The following SLC41A2 variants were observed in gnomAD, a reference collection of about 807,000 sequenced individuals.
SLC41A2 encodes SLC41A1-like 1.
In SLC41A2, 32 loss-of-function variants were observed where a neutral mutation model predicts 58.3. That is an observed-to-expected ratio of 0.55 (90% CI 0.41 to 0.74). The LOEUF (loss-of-function observed/expected upper bound fraction) is 0.74, where lower values mean the gene tolerates loss of function less well. Among genes scored for constraint, SLC41A2 ranks in the 30% least tolerant of loss-of-function variants. The pLI, the probability that SLC41A2 is intolerant of heterozygous loss-of-function variation, is 0.00. For synonymous variants in SLC41A2, 190 were observed against 235.0 expected, an observed-to-expected ratio of 0.81 and a Z score of 1.75; for missense variants, 514 against 680.6, an observed-to-expected ratio of 0.76 and a Z score of 2.72.
chr12:104,923,354 T>TC, intron 2 of SLC41A2, among the ~76,000 whole-genome samples: 1 of 129,504 alleles, frequency 7.7e-6, no homozygotes, highest in East Asian at 2.3e-4. Context: ...AGAGTGAGAC[T>TC]CCATCTCAAA....
intron 6 of SLC41A2, among the ~76,000 whole-genome samples, chr12:104,880,392 A>C (rs1368288809): frequency 1.3e-5 from 2 of 152,060 alleles, no homozygotes; most frequent in African/African-American, 4.8e-5. Context: ...CTGTCTTGTC[A>C]CACTTTTCAA....
intron 6 of SLC41A2, among the ~76,000 whole-genome samples, chr12:104,878,152 C>T (rs1593052894): frequency 6.6e-6 from 1 of 151,754 alleles, no homozygotes; most frequent in Non-Finnish European, 1.5e-5. Context: ...ATCATGATAA[C>T]ATTCTTCAAC....
chr12:104,806,554 A>T (rs925169830), intron 10 of SLC41A2, among the ~76,000 whole-genome samples: 17 of 152,092 alleles, frequency 1.1e-4, no homozygotes, highest in Non-Finnish European at 2.1e-4. Context: ...CAGCAGCATG[A>T]TTTATAATCC....
At chr12:104,893,394 A>T (rs2045113370) in intron 4 of SLC41A2, among the ~76,000 whole-genome samples, 1 of 152,198 alleles carries the variant, frequency 6.6e-6, no homozygotes, top group East Asian at 1.9e-4. Flanking sequence ...GAACCCTCGT[A>T]CACTGTTGGT....
intron 3 of SLC41A2, among the ~76,000 whole-genome samples, chr12:104,900,152 A>G (rs191997056): frequency 2.0e-5 from 3 of 152,298 alleles, no homozygotes; most frequent in African/African-American, 7.2e-5. Flanking sequence ...CGAAAACATC[A>G]CAAACTTTGC....
chr12:104,939,269 C>T (rs2047406153), intron 1 of SLC41A2, among the ~76,000 whole-genome samples: 1 of 152,208 alleles, frequency 6.6e-6, no homozygotes, highest in African/African-American at 2.4e-5. Flanking sequence ...GCAATCATAG[C>T]TCACCAAAGC....
rs34984157 is a variant in SLC41A2 at position 104,866,587 on chromosome 12, T to TAA, written c.1028-10_1028-9dup. Reference sequence around the variant, plus strand: ...AAATGTAGTAATAGGTCTCTAAAATTAAAAAAAAAAAAAAAAAGAGAGACA... The same window carrying TAA: ...AAATGTAGTAATAGGTCTCTAAAATTAAAAAAAAAAAAAAAAAAAGAGAGACA... On this transcript the variant is annotated splice_polypyrimidine_tract_variant and intron_variant, in intron 6 of 10. Transcript: ENST00000258538. 1.1e-4 allele frequency: 150 copies of TAA among 1,339,708 alleles called. No homozygotes were observed. Among genetic ancestry groups the TAA allele is most frequent in the South Asian group, 3.5e-4 (23 of 66,260 alleles). 83.0% of individuals were successfully genotyped at this position (1,339,708 alleles called of 1,614,324 possible).
chr12:104,938,393 C>T (rs1043345413), intron 1 of SLC41A2, among the ~76,000 whole-genome samples: 2 of 152,188 alleles, frequency 1.3e-5, no homozygotes, highest in African/African-American at 2.4e-5. Flanking sequence ...TTGGTCCCCT[C>T]CTACAGGAGG....
chr12:104,927,269 G>A (rs1019316650), intron 2 of SLC41A2, among the ~76,000 whole-genome samples: 8 of 151,910 alleles, frequency 5.3e-5, no homozygotes, highest in Non-Finnish European at 7.4e-5. Context: ...ATTACTATAT[G>A]AATATATATT....
intron 1 of SLC41A2, among the ~76,000 whole-genome samples, chr12:104,950,676 T>A (rs2047918950): frequency 6.6e-6 from 1 of 152,148 alleles, no homozygotes; most frequent in Non-Finnish European, 1.5e-5. Context: ...GCCTTTATTT[T>A]TAATGCAGAG....
chr12:104,947,061 A>G (rs1267445587), intron 1 of SLC41A2, among the ~76,000 whole-genome samples: 3 of 152,116 alleles, frequency 2.0e-5, no homozygotes, highest in African/African-American at 7.2e-5. Flanking sequence ...CATCACTATT[A>G]TTACACATTT....
intron 1 of SLC41A2, among the ~76,000 whole-genome samples, chr12:104,945,536 A>G (rs2047684912): frequency 6.6e-6 from 1 of 152,232 alleles, no homozygotes; most frequent in South Asian, 2.1e-4. Flanking sequence ...AAGAAACCAC[A>G]AAAGATACAC....
At chr12:104,926,596 T>TA (rs536256905) in intron 2 of SLC41A2, among the ~76,000 whole-genome samples, 4,672 of 128,964 alleles carry the variant, frequency 0.036, 136 homozygotes, top group East Asian at 0.17. Context: ...TTAAAAAAAA[T>TA]AAAAAAAAAA....
At chr12:104,812,281 A>AAGAC (rs1383797393) in intron 10 of SLC41A2, among the ~76,000 whole-genome samples, 1 of 152,346 alleles carries the variant, frequency 6.6e-6, no homozygotes, top group East Asian at 1.9e-4. Context: ...CTCCCCGTTC[A>AAGAC]AGACAGAGAT....
At chr12:104,905,501 A>C (rs1460520049) in intron 3 of SLC41A2, among the ~76,000 whole-genome samples, 1 of 152,122 alleles carries the variant, frequency 6.6e-6, no homozygotes, top group Non-Finnish European at 1.5e-5. Context: ...CCAGTCCTGC[A>C]CCCTGTGCTC....
intron 8 of SLC41A2, among the ~76,000 whole-genome samples, chr12:104,847,685 G>A (rs1018401877): frequency 6.7e-6 from 1 of 149,550 alleles, no homozygotes; most frequent in Non-Finnish European, 1.5e-5. Context: ...AAATAGACAA[G>A]TCTGTTTTTA....
At chr12:104,910,626 T>C (rs531451823) in intron 2 of SLC41A2, among the ~76,000 whole-genome samples, 29 of 152,100 alleles carry the variant, frequency 1.9e-4, no homozygotes, top group Non-Finnish European at 3.8e-4. Context: ...ACATGCCTCA[T>C]TATACCCTCT....
At chr12:104,947,364 C>T (rs1390118063) in intron 1 of SLC41A2, among the ~76,000 whole-genome samples, 1 of 151,444 alleles carries the variant, frequency 6.6e-6, no homozygotes, top group Non-Finnish European at 1.5e-5. Context: ...CCACCATGCT[C>T]GGCTAATTTT....
intron 10 of SLC41A2, among the ~76,000 whole-genome samples, chr12:104,831,951 T>C (rs1487975317): frequency 6.6e-6 from 1 of 151,992 alleles, no homozygotes; most frequent in Non-Finnish European, 1.5e-5. Context: ...AGGCAGAGGG[T>C]TGGGTGCTGA....
Sources: allele counts gnomAD v4.1 joint callset (sites outside exome capture counted in the v4.1 genomes callset), GRCh38; gene constraint gnomAD v4.1.1; transcripts MANE v1.5; gene names NCBI Gene and HGNC (gene_info 2026-07-23, HGNC 2026-07-21).